Variants in NUDT22 observed in about 807,000 individuals in gnomAD.
NUDT22 encodes uridine diphosphate glucose pyrophosphatase NUDT22.
NUDT22 carries 23 observed loss-of-function variants against 28.8 expected under a neutral mutation model. That is an observed-to-expected ratio of 0.80 (90% confidence interval 0.58 to 1.13). NUDT22 has a LOEUF of 1.13. NUDT22 is among the 50% of genes most tolerant of loss of function. The pLI is 0.00. For synonymous variants in NUDT22, 175 were observed against 173.7 expected, an observed-to-expected ratio of 1.01 and a Z score of -0.06; for missense variants, 358 against 387.3, an observed-to-expected ratio of 0.92 and a Z score of 0.64.
chr11:64,229,954 G>A lies in NUDT22; in HGVS notation c.876G>A (p.Ala292=). 4 of 1,613,118 alleles carry A rather than the reference G, an allele frequency of 2.5e-6. No individual in the cohort carries two copies. The highest frequency in any genetic ancestry group is 3.4e-6 in the Non-Finnish European group (4 of 1,179,992). The change falls in exon 6 of 6, where the codon GCG becomes GCA. Residue 292 remains alanine, a synonymous_variant. Coordinates refer to ENST00000279206, the MANE Select transcript of NUDT22 (RefSeq NM_032344.4). ...YNRVQGSPTG[A]ALGSPALLPP... is the part of the protein sequence containing the mutation. ...GGGTTCAGGGAAGTCCCACTGGAGC[G>A]GCCCTAGGGTCCCCAGCCCTACTCC...
At chr11:64,230,041 T>C (rs374705660), downstream of NUDT22, 203 of 1,581,146 alleles carry the variant, frequency 1.3e-4, no homozygotes, top group Middle Eastern at 1.0e-3. Flanking sequence ...GCTATTTCTG[T>C]AACAGAGAGG....
At chr11:64,230,156 G>C (rs1947151698), downstream of NUDT22, 1 of 826,224 alleles carries the variant, frequency 1.2e-6, no homozygotes, top group African/African-American at 1.7e-5. Flanking sequence ...GATAAGAACT[G>C]TGCCTCCCTT....
chr11:64,228,850 T>C (rs1947119531), intron 3 of NUDT22: 2 of 167,908 alleles, frequency 1.2e-5, no homozygotes, highest in Admixed American at 1.2e-4. Context: ...CGTGCACCTG[T>C]AATCCCAGCT....
chr11:64,227,152 A>C lies in NUDT22; in HGVS notation c.480+20A>C, dbSNP rs1183785487. ...CCTCAGGTGAGATTCCAGGCTGGGC[A>C]CAAAGACCCAGACAGCTCAAGGGAG... On this transcript the variant is annotated intron_variant, in intron 2 of 5. Transcript: ENST00000279206. 13 of 1,572,092 alleles carry C rather than the reference A, an allele frequency of 8.3e-6. No homozygotes were observed. The highest frequency in any genetic ancestry group is 1.1e-5 in the Non-Finnish European group (13 of 1,165,048).
chr11:64,229,904 A>G lies in NUDT22; in HGVS notation c.826A>G (p.Lys276Glu), dbSNP rs531474760. ...EMWAELCPSA[K>E]GAIILYNRVQ... is the part of the protein sequence containing the mutation. ...GTGGGCTGAACTCTGCCCCTCGGCC[A>G]AAGGCGCCATCATCCTCTACAACCG... is the stretch of plus-strand genomic sequence containing the variant. The change falls in exon 6 of 6, where the codon AAA becomes GAA. Residue 276 changes from lysine to glutamate, a missense_variant. Coordinates refer to ENST00000279206, the MANE Select transcript of NUDT22 (RefSeq NM_032344.4). The G allele has an allele frequency of 8.1e-6, 13 of 1,613,350 alleles. No individual in the cohort carries two copies. In the African/African-American group the frequency reaches 1.7e-4, roughly 21 times the overall value.
chr11:64,230,111 A>AAACC, downstream of NUDT22: 1 of 928,912 alleles, frequency 1.1e-6, no homozygotes, highest in Non-Finnish European at 1.6e-6. Flanking sequence ...AAAAAAAAAA[A>AAACC]CCCGCCCAGC....
rs1947015345 is a variant in NUDT22 at position 64,226,308 on chromosome 11, G to T, written c.-138G>T. 7 of 1,052,646 alleles carry T rather than the reference G, an allele frequency of 6.6e-6. No homozygotes were observed. Among genetic ancestry groups the T allele is most frequent in the Non-Finnish European group, 7.2e-6 (6 of 832,152 alleles). The allele number at this position is 1,052,646 out of a possible 1,614,324, so 65.2% of individuals were successfully genotyped here. ...GGGACCCGGCGGCTGGTGAGCGCCCGCTGGAGGCTGGAGCTTCCGGGCCCT... is the reference window on the plus strand; with the variant it reads ...GGGACCCGGCGGCTGGTGAGCGCCCTCTGGAGGCTGGAGCTTCCGGGCCCT... On this transcript the variant is annotated 5_prime_UTR_variant, in exon 1 of 6. Coordinates refer to ENST00000279206, the MANE Select transcript of NUDT22 (RefSeq NM_032344.4).
At chr11:64,227,224 T>C (rs2429456) in intron 2 of NUDT22, 92 bp downstream of exon 2, 1,469,690 of 1,469,696 alleles carry the variant, frequency 1, 734,842 homozygotes, top group Middle Eastern at 1. Context: ...GTTTCCTCAT[T>C]CCTTAAAGGG....
chr11:64,227,441 C>G (rs750867928), intron 2 of NUDT22, 127 bp from the exon 3 acceptor site: 4 of 795,554 alleles, frequency 5.0e-6, no homozygotes, highest in East Asian at 2.5e-5. Context: ...ACACCAGACT[C>G]AGGATCACTA....
chr11:64,229,210 T>C (rs1947126681), intron 3 of NUDT22, 37 bp from the exon 4 acceptor site: 2 of 1,419,588 alleles, frequency 1.4e-6, no homozygotes, highest in Non-Finnish European at 1.9e-6. Context: ...GTGGCATTGA[T>C]AGGTGGGACC....
chr11:64,227,574 T>A lies in NUDT22; in HGVS notation c.487T>A (p.Cys163Ser), dbSNP rs766961798. 1.2e-6 allele frequency: 2 copies of A among 1,613,384 alleles called. 1 individual carries two copies. Among genetic ancestry groups the A allele is most frequent in the South Asian group, 2.2e-5 (2 of 91,082 alleles). ...TGAGCCTGACCTCTCACAGGCCCTGTGCCCTGGTGGCAGCCCCCAGCACCA... is the reference window on the plus strand; with the variant it reads ...TGAGCCTGACCTCTCACAGGCCCTGAGCCCTGGTGGCAGCCCCCAGCACCA... ...PGGHPEPQAL[C>S]PGGSPQHQDL... Residue 163 changes from cysteine to serine, a missense_variant, in exon 3 of 6, where the codon TGC (cysteine) becomes AGC (serine). By Grantham distance (112) the Cys-to-Ser change is moderately radical. Coordinates refer to ENST00000279206, the MANE Select transcript of NUDT22 (RefSeq NM_032344.4).
rs968104209 is a variant in NUDT22, at chr11:64,226,466, C to T, written c.-19+39C>T. On this transcript the variant is annotated intron_variant, in intron 1 of 5. Transcript: ENST00000279206. ...GGCGTCCTGGATACCCTGCGGGACT[C>T]GGGGCTCCTGCGGGGAAGATGGCAC... 14 of 1,410,858 alleles carry T rather than the reference C, an allele frequency of 9.9e-6. No individual in the cohort carries two copies. In the South Asian group the frequency reaches 2.3e-4, roughly 23 times the overall value. The allele number at this position is 1,410,858 out of a possible 1,614,324, so 87.4% of individuals were successfully genotyped here. A position where few individuals can be genotyped will look rare whatever the true frequency, so the allele number is the denominator to read the frequency against.
In NUDT22 at chr11:64,226,310, T is replaced by C. The variant is rs1254503115; in HGVS notation, c.-136T>C. 3.8e-6 allele frequency: 4 copies of C among 1,063,694 alleles called. No individual in the cohort carries two copies. Among genetic ancestry groups the C allele is most frequent in the Non-Finnish European group, 4.8e-6 (4 of 841,862 alleles). The allele number at this position is 1,063,694 out of a possible 1,614,324, so 65.9% of individuals were successfully genotyped here. The stretch of plus-strand genomic sequence containing the variant: ...GACCCGGCGGCTGGTGAGCGCCCGC[T>C]GGAGGCTGGAGCTTCCGGGCCCTGG... On this transcript the variant is annotated 5_prime_UTR_variant, in exon 1 of 6. Coordinates refer to ENST00000279206, the MANE Select transcript of NUDT22 (RefSeq NM_032344.4).
Position 64,226,340 on chromosome 11 carries a change from G to T in NUDT22, c.-106G>T. 1 of 1,214,124 alleles carries T rather than the reference G, an allele frequency of 8.2e-7. No individual in the cohort carries two copies. The highest frequency in any genetic ancestry group is 1.0e-6 in the Non-Finnish European group (1 of 970,790). The allele number at this position is 1,214,124 out of a possible 1,614,324, so 75.2% of individuals were successfully genotyped here. A position where few individuals can be genotyped will look rare whatever the true frequency, so the allele number is the denominator to read the frequency against. On this transcript the variant is annotated 5_prime_UTR_variant, in exon 1 of 6. Coordinates refer to ENST00000279206, the MANE Select transcript of NUDT22 (RefSeq NM_032344.4). ...GCTGGAGCTTCCGGGCCCTGGAAAG[G>T]GGTCCCCGCGCGCCCCGGGTCGGAG...
In NUDT22 at chr11:64,226,906, C is replaced by T. The variant is rs2134973534; in HGVS notation, c.254C>T (p.Thr85Ile). ...GPQLLLRLGLTSYRDFLGTNW... is the reference protein window; with the variant it reads ...GPQLLLRLGLISYRDFLGTNW... ...CAGCTGCTCCTGCGCCTGGGCCTTACTTCCTACCGAGACTTCCTGGGCACC... is the reference window on the plus strand; with the variant it reads ...CAGCTGCTCCTGCGCCTGGGCCTTATTTCCTACCGAGACTTCCTGGGCACC... Residue 85 changes from threonine (T) to isoleucine (I), a missense_variant, in exon 2 of 6, where the codon ACT becomes ATT. By Grantham distance (89) the Thr-to-Ile change is moderately conservative. Transcript: ENST00000279206. 2 of 1,602,866 alleles carry T rather than the reference C, an allele frequency of 1.2e-6. No individual in the cohort carries two copies. Among genetic ancestry groups the T allele is most frequent in the East Asian group, 4.5e-5 (2 of 44,898 alleles).
intron 2 of NUDT22, 99 bp from the exon 3 acceptor site, chr11:64,227,469 C>T (rs1373232492): frequency 2.2e-6 from 2 of 900,084 alleles, no homozygotes; most frequent in East Asian, 2.4e-5. Context: ...TACACTGTGC[C>T]ACATCAGACC....
downstream of NUDT22, chr11:64,230,040 G>A (rs1285847182): frequency 4.5e-6 from 7 of 1,539,886 alleles, no homozygotes; most frequent in East Asian, 2.4e-5. Context: ...TGCTATTTCT[G>A]TAACAGAGAG....
intron 2 of NUDT22, 46 bp from the exon 3 acceptor site, chr11:64,227,522 C>A: frequency 1.4e-6 from 2 of 1,443,798 alleles, no homozygotes; most frequent in Non-Finnish European, 1.9e-6. Flanking sequence ...TGAGATGGGG[C>A]AGGGGGAAGA....
At chr11:64,230,256 C>T (rs796658523), downstream of NUDT22, 39 of 632,530 alleles carry the variant, frequency 6.2e-5, no homozygotes, top group African/African-American at 3.7e-4. Flanking sequence ...AACGGAGACA[C>T]GGTGGCCGGG....
Sources: gnomAD v4.1 joint callset for allele counts on GRCh38, gnomAD v4.1.1 for gene constraint, MANE v1.5 for transcripts, NCBI Gene and HGNC (gene_info 2026-07-23, HGNC 2026-07-21) for gene names.